The following ANO3 variants were observed in gnomAD, a reference collection of about 807,000 sequenced individuals.
The protein encoded by ANO3 is anoctamin-3.
In ANO3, 99 loss-of-function variants were observed where a neutral mutation model predicts 144.8. That is an observed-to-expected ratio of 0.68 (90% CI 0.58 to 0.81). The LOEUF is 0.81. ANO3 is among the 30% of genes least tolerant of loss of function. The pLI is 0.00. For missense variants in ANO3, 905 were observed against 1,202.2 expected (o/e 0.75, Z 3.66); for synonymous variants, 414 against 392.6 (o/e 1.05, Z -0.64).
At chr11:26,284,595 T>G (rs1283792645) in intron 1 of ANO3, among the ~76,000 whole-genome samples, 1 of 152,160 alleles carries the variant, frequency 6.6e-6, no homozygotes, top group Admixed American at 6.6e-5. Context: ...TTGGATTTAT[T>G]GCTTTAAGAA....
rs1590692317 is a variant in ANO3 at position 26,660,508 on chromosome 11, G to A, written c.*64G>A. On this transcript the variant is annotated 3_prime_UTR_variant, in exon 27 of 27. Coordinates refer to ENST00000256737, the MANE Select transcript of ANO3 (RefSeq NM_031418.4). ...GGAAGAAATGATGGCAACTTTGAAT[G>A]CTAGGTGAAATCTAGGAGGAAGGCA... 1 of 1,473,044 alleles carries A rather than the reference G, an allele frequency of 6.8e-7. No individual in the cohort carries two copies. The highest frequency in any genetic ancestry group is 1.4e-5 in the South Asian group (1 of 73,286). The allele number at this position is 1,473,044 out of a possible 1,614,324, so 91.2% of individuals were successfully genotyped here. A position where few individuals can be genotyped will look rare whatever the true frequency, so the allele number is the denominator to read the frequency against.
At chr11:26,269,827 A>C (rs1157804264) in intron 1 of ANO3, among the ~76,000 whole-genome samples, 1 of 152,208 alleles carries the variant, frequency 6.6e-6, no homozygotes, top group Non-Finnish European at 1.5e-5. Flanking sequence ...AAATTCACAT[A>C]TTGAAATCCG....
chr11:26,566,490 C>T (rs544667419), intron 14 of ANO3, among the ~76,000 whole-genome samples: 114 of 151,976 alleles, frequency 7.5e-4, no homozygotes, highest in African/African-American at 2.7e-3. Context: ...CATGAAATAA[C>T]TCATGAATTT....
intron 4 of ANO3, among the ~76,000 whole-genome samples, chr11:26,474,289 AT>A (rs1859882054): frequency 6.6e-6 from 1 of 151,986 alleles, no homozygotes; most frequent in Non-Finnish European, 1.5e-5. Context: ...AAAGTAAAGT[AT>A]GATCTAAATG....
At chr11:26,564,773 A>T (rs552657686) in intron 14 of ANO3, among the ~76,000 whole-genome samples, 4 of 103,608 alleles carry the variant, frequency 3.9e-5, no homozygotes, top group Admixed American at 9.5e-5. Flanking sequence ...ATATATATAT[A>T]TATATATATA....
At chr11:26,266,329 A>T (rs1853305837) in intron 1 of ANO3, among the ~76,000 whole-genome samples, 1 of 152,182 alleles carries the variant, frequency 6.6e-6, no homozygotes. Context: ...TGACTTTAAC[A>T]CTATTTATTG....
intron 1 of ANO3, among the ~76,000 whole-genome samples, chr11:26,418,730 T>C (rs1371671447): frequency 7.2e-6 from 1 of 139,842 alleles, no homozygotes; most frequent in Non-Finnish European, 1.5e-5. Context: ...ACACACACTG[T>C]CTCTCTCTCT....
At chr11:26,621,872 C>T (rs934661933) in intron 17 of ANO3, among the ~76,000 whole-genome samples, 25 of 152,010 alleles carry the variant, frequency 1.6e-4, no homozygotes, top group African/African-American at 6.0e-4. Flanking sequence ...GTGTGTGTAT[C>T]AGGTAGGGCC....
intron 24 of ANO3, among the ~76,000 whole-genome samples, chr11:26,654,189 C>T (rs1233397830): frequency 3.9e-5 from 6 of 152,200 alleles, no homozygotes; most frequent in Non-Finnish European, 7.4e-5. Flanking sequence ...TTATCAGTTA[C>T]CATTTTTTAA....
upstream of ANO3, among the ~76,000 whole-genome samples, chr11:26,328,550 T>C: frequency 6.6e-6 from 1 of 152,148 alleles, no homozygotes; most frequent in East Asian, 1.9e-4. Flanking sequence ...GAGGGACCTA[T>C]TTCGAAATTC....
At chr11:26,571,151 CTAAT>C (rs1850809052) in intron 14 of ANO3, among the ~76,000 whole-genome samples, 1 of 151,972 alleles carries the variant, frequency 6.6e-6, no homozygotes, top group Admixed American at 6.6e-5. Context: ...CAGTACTTAA[CTAAT>C]TAGTGATGAG....
chr11:26,641,275 A>G (rs1395085231), intron 21 of ANO3, among the ~76,000 whole-genome samples: 1 of 152,192 alleles, frequency 6.6e-6, no homozygotes, highest in East Asian at 1.9e-4. Flanking sequence ...AATAATCACT[A>G]ACACTTAGAC....
At chr11:26,351,712 A>G (rs753384093) in intron 1 of ANO3, among the ~76,000 whole-genome samples, 7 of 152,216 alleles carry the variant, frequency 4.6e-5, no homozygotes, top group Non-Finnish European at 1.0e-4. Context: ...GCCACCTTTC[A>G]TTGGTTGAAA....
At chr11:26,197,476 G>T (rs1851612199) in intron 1 of ANO3, among the ~76,000 whole-genome samples, 2 of 152,072 alleles carry the variant, frequency 1.3e-5, no homozygotes, top group Admixed American at 1.3e-4. Context: ...AGCCTCCTGA[G>T]TAGCTGGGAC....
At chr11:26,641,846 C>T (rs966058483) in intron 21 of ANO3, 50 bp from the exon 22 acceptor site, 2 of 1,573,082 alleles carry the variant, frequency 1.3e-6, no homozygotes, top group Admixed American at 1.8e-5. Context: ...CATTGTTAAC[C>T]AGATGCTTGA....
chr11:26,520,348 TCTA>T (rs1862024513), intron 6 of ANO3, among the ~76,000 whole-genome samples: 1 of 152,142 alleles, frequency 6.6e-6, no homozygotes, highest in African/African-American at 2.4e-5. Context: ...AAAGAAGAGT[TCTA>T]CTATATCCAA....
At chr11:26,246,070 C>A (rs1444113815) in intron 1 of ANO3, among the ~76,000 whole-genome samples, 1 of 152,058 alleles carries the variant, frequency 6.6e-6, no homozygotes, top group Admixed American at 6.6e-5. Context: ...ATTCTGTGAT[C>A]TGGGAGGAAC....
intron 10 of ANO3, among the ~76,000 whole-genome samples, chr11:26,540,068 T>C (rs1849606626): frequency 6.6e-6 from 1 of 152,098 alleles, no homozygotes; most frequent in Non-Finnish European, 1.5e-5. Context: ...GTTCAGCCTT[T>C]AGGGAACACT....
chr11:26,596,377 A>G (rs1851629253), intron 14 of ANO3, among the ~76,000 whole-genome samples: 1 of 151,888 alleles, frequency 6.6e-6, no homozygotes, highest in African/African-American at 2.4e-5. Flanking sequence ...CCTTTAATTT[A>G]CTCAATTCAT....
Sources: allele counts gnomAD v4.1 joint callset (sites outside exome capture counted in the v4.1 genomes callset), GRCh38; gene constraint gnomAD v4.1.1; transcripts MANE v1.5; gene names NCBI Gene and HGNC (gene_info 2026-07-23, HGNC 2026-07-21).